The following DTNA variants were observed in gnomAD, a reference collection of about 807,000 sequenced individuals.
DTNA encodes dystrobrevin alpha, also known as dystrophin-related protein 3.
DTNA carries 43 observed loss-of-function variants against 100.7 expected under a neutral mutation model. The ratio of observed to expected loss-of-function variants is 0.43; its 90% CI spans 0.33 to 0.55. The LOEUF (loss-of-function observed/expected upper bound fraction) is 0.55, where lower values mean the gene tolerates loss of function less well. Among genes scored for constraint, DTNA ranks in the 20% least tolerant of loss-of-function variants. The pLI is 0.04. For synonymous variants in DTNA, 349 were observed against 347.9 expected, an observed-to-expected ratio of 1.00 and a Z score of -0.04; for missense variants, 798 against 953.9, an observed-to-expected ratio of 0.84 and a Z score of 2.15.
At chr18:34,879,779 A>C in intron 20 of DTNA, 60 bp downstream of exon 20, 1 of 1,597,432 alleles carries the variant, frequency 6.3e-7, no homozygotes, top group East Asian at 2.2e-5. Context: ...AGGAGACAAT[A>C]AGAAAGTAAA....
chr18:34,778,509 C>T (rs928040957), intron 3 of DTNA, among the ~76,000 whole-genome samples: 5 of 152,264 alleles, frequency 3.3e-5, no homozygotes, highest in African/African-American at 9.6e-5. Context: ...AATACATTCA[C>T]AATGTTGTTC....
chr18:34,762,515 A>G (rs2093243296), intron 2 of DTNA, among the ~76,000 whole-genome samples: 1 of 152,244 alleles, frequency 6.6e-6, no homozygotes, highest in African/African-American at 2.4e-5. Context: ...TTTTGGGTTT[A>G]TAAACTTTCA....
intron 1 of DTNA, among the ~76,000 whole-genome samples, chr18:34,627,274 G>T (rs1263052301): frequency 6.6e-6 from 1 of 152,134 alleles, no homozygotes; most frequent in Non-Finnish European, 1.5e-5. Context: ...TACCCTTGAA[G>T]CCAAGAATAT....
intron 1 of DTNA, among the ~76,000 whole-genome samples, chr18:34,743,610 T>C (rs915499846): frequency 2.0e-5 from 3 of 152,194 alleles, no homozygotes; most frequent in African/African-American, 7.2e-5. Flanking sequence ...TCTTATGTTC[T>C]CATTGTAAAT....
chr18:34,789,179 G>T (rs1028725924), intron 3 of DTNA, among the ~76,000 whole-genome samples: 1 of 152,026 alleles, frequency 6.6e-6, no homozygotes, highest in African/African-American at 2.4e-5. Context: ...GAAAATAAGG[G>T]GTACAATGTG....
chr18:34,856,801 G>A (rs1421960539), intron 15 of DTNA, among the ~76,000 whole-genome samples: 1 of 152,152 alleles, frequency 6.6e-6, no homozygotes, highest in Non-Finnish European at 1.5e-5. Flanking sequence ...CTGACTACTC[G>A]ATGCACGTTA....
Position 34,879,533 on chromosome 18 carries a change from T to A in DTNA, c.1994-18T>A, listed in dbSNP as rs772589214. On this transcript the variant is annotated intron_variant, in intron 19 of 22. Transcript: ENST00000444659. ...AATCTAACGAGTCATTCTTTATTTC[T>A]TCAATTGTATCTGCTAGAGGTTGGG... 6 of 1,613,922 alleles carry A rather than the reference T, an allele frequency of 3.7e-6. No individual in the cohort carries two copies. In the Admixed American group the frequency reaches 8.3e-5, roughly 22 times the overall value.
intron 1 of DTNA, among the ~76,000 whole-genome samples, chr18:34,631,952 A>G (rs1186512133): frequency 6.6e-6 from 1 of 152,214 alleles, no homozygotes; most frequent in African/African-American, 2.4e-5. Flanking sequence ...CATTTGGCAG[A>G]TAAGTTTTTT....
At chr18:34,656,504 C>A (rs1315769884) in intron 1 of DTNA, among the ~76,000 whole-genome samples, 1 of 152,164 alleles carries the variant, frequency 6.6e-6, no homozygotes, top group African/African-American at 2.4e-5. Context: ...TAACCCCTTC[C>A]CTTCTGAACT....
intron 1 of DTNA, among the ~76,000 whole-genome samples, chr18:34,722,606 T>TACACACACACAC (rs71166022): frequency 0.021 from 3,137 of 147,188 alleles, 88 homozygotes; most frequent in African/African-American, 0.073. Flanking sequence ...TATATATACA[T>TACACACACACAC]ACACACACAC....
intron 1 of DTNA, among the ~76,000 whole-genome samples, chr18:34,536,082 C>T (rs1347631963): frequency 1.3e-5 from 2 of 151,772 alleles, no homozygotes; most frequent in East Asian, 3.9e-4. Context: ...TACATTTTTC[C>T]ATTTCTTTCT....
At chr18:34,608,351 A>G (rs1432997768) in intron 1 of DTNA, among the ~76,000 whole-genome samples, 1 of 152,190 alleles carries the variant, frequency 6.6e-6, no homozygotes, top group Non-Finnish European at 1.5e-5. Flanking sequence ...GCAGTGCTAA[A>G]AATAAAAGAC....
intron 1 of DTNA, among the ~76,000 whole-genome samples, chr18:34,562,027 A>G (rs578104373): frequency 6.6e-6 from 1 of 152,078 alleles, no homozygotes; most frequent in South Asian, 2.1e-4. Flanking sequence ...AGAGTATTAA[A>G]CTCATTTCCT....
intron 1 of DTNA, among the ~76,000 whole-genome samples, chr18:34,667,901 C>G (rs1251706053): frequency 6.6e-6 from 1 of 152,110 alleles, no homozygotes; most frequent in South Asian, 2.1e-4. Flanking sequence ...TTTGTTGTGT[C>G]TCTGCCAGGC....
At chr18:34,882,536 T>C (rs2096883240) in intron 21 of DTNA, among the ~76,000 whole-genome samples, 1 of 151,960 alleles carries the variant, frequency 6.6e-6, no homozygotes, top group Non-Finnish European at 1.5e-5. Context: ...GCCCAGTTAA[T>C]TTTTGTATTT....
chr18:34,565,496 G>C (rs955434349), intron 1 of DTNA, among the ~76,000 whole-genome samples: 1 of 152,094 alleles, frequency 6.6e-6, no homozygotes, highest in African/African-American at 2.4e-5. Context: ...ATTTTGCCAC[G>C]GTCAGGAGGC....
intron 1 of DTNA, among the ~76,000 whole-genome samples, chr18:34,741,390 T>A (rs2090623767): frequency 6.6e-6 from 1 of 152,224 alleles, no homozygotes; most frequent in East Asian, 1.9e-4. Flanking sequence ...GATATTTTAA[T>A]AACTTCAAAA....
At chr18:34,701,293 T>A (rs1266398104) in intron 1 of DTNA, among the ~76,000 whole-genome samples, 1 of 152,194 alleles carries the variant, frequency 6.6e-6, no homozygotes, top group Non-Finnish European at 1.5e-5. Flanking sequence ...GTCACTGTAA[T>A]CTCCATATTC....
chr18:34,858,160 T>A (rs1224750828), intron 15 of DTNA, 125 bp from the exon 16 acceptor site: 8 of 838,276 alleles, frequency 9.5e-6, no homozygotes, highest in Non-Finnish European at 1.6e-5. Context: ...TTAGGGAAGG[T>A]CGGTTCTGCT....
Sources: gnomAD v4.1 joint callset for allele counts (sites outside exome capture counted in the v4.1 genomes callset) on GRCh38, gnomAD v4.1.1 for gene constraint, MANE v1.5 for transcripts, NCBI Gene and HGNC (gene_info 2026-07-23, HGNC 2026-07-21) for gene names.